The following KCNMA1 variants were observed in gnomAD, a reference collection of about 807,000 sequenced individuals.
The protein encoded by KCNMA1 is potassium calcium-activated channel subfamily M alpha 1.
KCNMA1 carries 29 observed loss-of-function variants against 140.0 expected under a neutral mutation model. The ratio of observed to expected loss-of-function variants is 0.21; its 90% CI spans 0.15 to 0.28. The LOEUF (loss-of-function observed/expected upper bound fraction) is 0.28, where lower values mean the gene tolerates loss of function less well. Among genes scored for constraint, KCNMA1 ranks in the 10% least tolerant of loss-of-function variants. The probability of loss-of-function intolerance (pLI) is 1.00; values close to 1 mark genes in which losing one functional copy is unlikely to be tolerated. For synonymous variants in KCNMA1, 612 were observed against 611.9 expected, an observed-to-expected ratio of 1.00 and a Z score of 0.00; for missense variants, 880 against 1,602.2, an observed-to-expected ratio of 0.55 and a Z score of 7.70.
At chr10:77,626,411 G>A (rs1053821767) in intron 1 of KCNMA1, among the ~76,000 whole-genome samples, 2 of 152,166 alleles carry the variant, frequency 1.3e-5, no homozygotes, top group African/African-American at 2.4e-5. Context: ...CCAGATGCAG[G>A]AAGGAGAACA....
chr10:77,369,870 T>G lies in KCNMA1; in HGVS notation c.540+33992A>C, dbSNP rs371518504. Among the ~76,000 whole-genome samples, 8 of 152,298 alleles carry G rather than the reference T, an allele frequency of 5.3e-5. No individual in the cohort carries two copies. The South Asian group carries it at 1.7e-3, about 32-fold the overall frequency. ...ATACTTGCTTCATGGCAAGGGAACATCTTTTGCTTTCATATCCATCTCACA... is the reference window on the plus strand; with the variant it reads ...ATACTTGCTTCATGGCAAGGGAACAGCTTTTGCTTTCATATCCATCTCACA... On this transcript the variant is annotated intron_variant, in intron 2 of 27. Coordinates refer to ENST00000286628, the MANE Select transcript of KCNMA1 (RefSeq NM_001161352.2).
chr10:77,462,417 G>T (rs865838406), intron 1 of KCNMA1, among the ~76,000 whole-genome samples: 4 of 152,184 alleles, frequency 2.6e-5, no homozygotes, highest in South Asian at 2.1e-4. Context: ...AAACACAAAT[G>T]TATGCACTCA....
chr10:77,188,970 G>A (rs1321267835), intron 3 of KCNMA1, among the ~76,000 whole-genome samples: 1 of 152,070 alleles, frequency 6.6e-6, no homozygotes, highest in Non-Finnish European at 1.5e-5. Context: ...CCTGCAGTCT[G>A]TTTTCCCACC....
chr10:77,443,095 A>T (rs775059782), intron 1 of KCNMA1, among the ~76,000 whole-genome samples: 3 of 152,246 alleles, frequency 2.0e-5, no homozygotes, highest in Non-Finnish European at 4.4e-5. Flanking sequence ...ACACACATAG[A>T]CAGGGAAATC....
At chr10:77,345,567 G>T (rs1378125741) in intron 2 of KCNMA1, among the ~76,000 whole-genome samples, 1 of 152,204 alleles carries the variant, frequency 6.6e-6, no homozygotes, top group African/African-American at 2.4e-5. Flanking sequence ...ACCCAAGGGG[G>T]ACAAATGCCA....
intron 19 of KCNMA1, chr10:76,977,943 G>A (rs762808521): frequency 1.6e-5 from 6 of 374,248 alleles, no homozygotes; most frequent in Admixed American, 8.3e-5. Flanking sequence ...CGAGAGCCCC[G>A]TACAAGACAA....
intron 2 of KCNMA1, among the ~76,000 whole-genome samples, chr10:77,328,906 T>C (rs567053072): frequency 6.6e-6 from 1 of 152,294 alleles, no homozygotes; most frequent in South Asian, 2.1e-4. Context: ...AGTGGCATGA[T>C]CTCGGCTCAC....
At chr10:77,041,862 G>A (rs2094724089) in intron 14 of KCNMA1, among the ~76,000 whole-genome samples, 1 of 152,206 alleles carries the variant, frequency 6.6e-6, no homozygotes, top group Non-Finnish European at 1.5e-5. Flanking sequence ...CAGCCAGTCA[G>A]TCAGTTCACT....
intron 23 of KCNMA1, among the ~76,000 whole-genome samples, chr10:76,916,728 A>G (rs1349347078): frequency 6.6e-6 from 1 of 152,210 alleles, no homozygotes; most frequent in Non-Finnish European, 1.5e-5. Context: ...ATGTGACAAG[A>G]TTGTGTTGAG....
At chr10:77,053,605 C>T (rs747196116) in intron 14 of KCNMA1, among the ~76,000 whole-genome samples, 1 of 152,190 alleles carries the variant, frequency 6.6e-6, no homozygotes, top group African/African-American at 2.4e-5. Context: ...CAGTCATTTA[C>T]AAAAGTGTTG....
chr10:77,390,425 T>C (rs1053148531), intron 2 of KCNMA1, among the ~76,000 whole-genome samples: 4 of 152,220 alleles, frequency 2.6e-5, no homozygotes, highest in African/African-American at 9.6e-5. Context: ...ATCTGAGCTT[T>C]TTCCTGGAGA....
intron 2 of KCNMA1, among the ~76,000 whole-genome samples, chr10:77,377,284 C>A (rs1222021692): frequency 6.6e-6 from 1 of 152,180 alleles, no homozygotes; most frequent in Non-Finnish European, 1.5e-5. Flanking sequence ...CTACCTCCCC[C>A]ACCTGCTGAC....
chr10:77,456,945 T>G (rs1484791622), intron 1 of KCNMA1, among the ~76,000 whole-genome samples: 1 of 152,206 alleles, frequency 6.6e-6, no homozygotes, highest in East Asian at 1.9e-4. Context: ...TTCCCATGTT[T>G]AAGATAAGCT....
In KCNMA1 at chr10:76,886,691, T is replaced by A. The variant is rs1444559511; in HGVS notation, c.*575A>T. On this transcript the variant is annotated 3_prime_UTR_variant, in exon 28 of 28. Transcript: ENST00000286628. ...GCAACAAGCAGGTCCTTCATAATCA[T>A]CTACACAAATCGTGAAAGCTTTTCA... 1 of 1,002,894 alleles carries A rather than the reference T, an allele frequency of 1.0e-6. No individual in the cohort carries two copies. Among genetic ancestry groups the A allele is most frequent in the Non-Finnish European group, 1.2e-6 (1 of 839,818 alleles). The allele number at this position is 1,002,894 out of a possible 1,614,324, so 62.1% of individuals were successfully genotyped here.
intron 1 of KCNMA1, among the ~76,000 whole-genome samples, chr10:77,592,311 T>C (rs941615948): frequency 1.6e-4 from 25 of 152,030 alleles, no homozygotes; most frequent in Admixed American, 1.6e-3. Flanking sequence ...TAAGGAGACA[T>C]GGTGGGTACA....
At chr10:77,300,162 G>A (rs1185917191) in intron 2 of KCNMA1, among the ~76,000 whole-genome samples, 1 of 152,200 alleles carries the variant, frequency 6.6e-6, no homozygotes, top group Non-Finnish European at 1.5e-5. Flanking sequence ...TGGACAGGAC[G>A]CCCCTGCACT....
chr10:77,606,490 G>C (rs1366909059), intron 1 of KCNMA1, among the ~76,000 whole-genome samples: 1 of 152,144 alleles, frequency 6.6e-6, no homozygotes, highest in African/African-American at 2.4e-5. Flanking sequence ...CGCACCTGTA[G>C]TCCTAGCTAC....
chr10:77,616,682 T>C (rs2089638469), intron 1 of KCNMA1, among the ~76,000 whole-genome samples: 1 of 152,008 alleles, frequency 6.6e-6, no homozygotes, highest in African/African-American at 2.4e-5. Context: ...GGTGCGCACC[T>C]GTAATCCCAG....
chr10:77,176,672 CT>C (rs2098753801), intron 5 of KCNMA1, among the ~76,000 whole-genome samples: 1 of 152,144 alleles, frequency 6.6e-6, no homozygotes, highest in South Asian at 2.1e-4. Context: ...AGCGCACCCT[CT>C]TCTGGGCTCT....
Sources: gnomAD v4.1 joint callset for allele counts (sites outside exome capture counted in the v4.1 genomes callset) on GRCh38, gnomAD v4.1.1 for gene constraint, MANE v1.5 for transcripts, NCBI Gene and HGNC (gene_info 2026-07-23, HGNC 2026-07-21) for gene names.